LRRTM4: variants seen among roughly 807,000 people sequenced by gnomAD.
LRRTM4 encodes leucine-rich repeat transmembrane neuronal protein 4.
In LRRTM4, 25 loss-of-function variants were observed where a neutral mutation model predicts 47.6. The ratio of observed to expected loss-of-function variants is 0.53; its 90% CI spans 0.38 to 0.73. The LOEUF (loss-of-function observed/expected upper bound fraction) is 0.73, where lower values mean the gene tolerates loss of function less well. LRRTM4 is among the 30% of genes least tolerant of loss of function. LRRTM4 has a pLI of 0.00. For synonymous variants in LRRTM4, 311 were observed against 269.5 expected, an observed-to-expected ratio of 1.15 and a Z score of -1.51; for missense variants, 638 against 713.4, an observed-to-expected ratio of 0.89 and a Z score of 1.20.
At chr2:76,779,245 G>A (rs568801088) in intron 3 of LRRTM4, among the ~76,000 whole-genome samples, 2 of 152,024 alleles carry the variant, frequency 1.3e-5, no homozygotes, top group East Asian at 3.9e-4. Flanking sequence ...GTGTTGATTT[G>A]GGGTGGAGAG....
intron 3 of LRRTM4, among the ~76,000 whole-genome samples, chr2:77,071,137 A>G (rs1458596937): frequency 1.3e-5 from 2 of 152,126 alleles, no homozygotes; most frequent in African/African-American, 4.8e-5. Context: ...ACTTTGAAAT[A>G]CACACCTTCA....
intron 3 of LRRTM4, among the ~76,000 whole-genome samples, chr2:77,453,838 A>G (rs1337149590): frequency 6.6e-6 from 1 of 152,074 alleles, no homozygotes; most frequent in Non-Finnish European, 1.5e-5. Context: ...TACTTTCATA[A>G]TAGTATTTAA....
At chr2:76,792,863 C>G (rs572644462) in intron 3 of LRRTM4, among the ~76,000 whole-genome samples, 2 of 152,166 alleles carry the variant, frequency 1.3e-5, no homozygotes, top group Non-Finnish European at 2.9e-5. Context: ...GGAGCGAGAT[C>G]ACTCTTGCAT....
At chr2:76,907,651 T>A in intron 3 of LRRTM4, among the ~76,000 whole-genome samples, 1 of 117,118 alleles carries the variant, frequency 8.5e-6, no homozygotes, top group African/African-American at 3.9e-5. Context: ...TAAAAAATGA[T>A]AAAGGGGATA....
At chr2:76,757,409 C>T (rs1240687629) in intron 3 of LRRTM4, among the ~76,000 whole-genome samples, 3 of 152,124 alleles carry the variant, frequency 2.0e-5, no homozygotes, top group Non-Finnish European at 2.9e-5. Context: ...CTATGAGGTG[C>T]CCAGAGAGTT....
At chr2:77,075,288 T>A (rs57523279) in intron 3 of LRRTM4, among the ~76,000 whole-genome samples, 3,098 of 152,298 alleles carry the variant, frequency 0.02, 117 homozygotes, top group African/African-American at 0.07. Context: ...TTCTACAACT[T>A]GTAAATGTTA....
chr2:77,265,273 C>A (rs973517014), intron 3 of LRRTM4, among the ~76,000 whole-genome samples: 3 of 151,932 alleles, frequency 2.0e-5, no homozygotes, highest in African/African-American at 7.3e-5. Flanking sequence ...GAATGTGTCC[C>A]CAAAGTTCGT....
intron 3 of LRRTM4, among the ~76,000 whole-genome samples, chr2:77,313,358 G>GCCCC (rs1558683526): frequency 5.9e-4 from 51 of 86,184 alleles, no homozygotes; most frequent in African/African-American, 4.0e-3. Flanking sequence ...GCTGGGATGT[G>GCCCC]CCTCCCTACC....
chr2:77,361,412 A>ACTAAG (rs1672205235), intron 3 of LRRTM4, among the ~76,000 whole-genome samples: 4 of 152,084 alleles, frequency 2.6e-5, no homozygotes, highest in African/African-American at 9.7e-5. Flanking sequence ...TTTCTAAGAC[A>ACTAAG]TTGTGCTATT....
intron 3 of LRRTM4, among the ~76,000 whole-genome samples, chr2:77,366,458 G>T (rs1672466050): frequency 6.6e-6 from 1 of 151,672 alleles, no homozygotes; most frequent in African/African-American, 2.4e-5. Context: ...ATTTCCCTGG[G>T]TATTCTTGTT....
intron 3 of LRRTM4, among the ~76,000 whole-genome samples, chr2:77,440,355 A>G (rs560107285): frequency 2.6e-5 from 4 of 152,126 alleles, no homozygotes; most frequent in African/African-American, 9.6e-5. Flanking sequence ...TGGAGCTTGC[A>G]GTGAGCCAAG....
intron 3 of LRRTM4, among the ~76,000 whole-genome samples, chr2:77,282,592 T>C (rs1382615674): frequency 6.6e-6 from 1 of 151,780 alleles, no homozygotes; most frequent in African/African-American, 2.4e-5. Flanking sequence ...AATTTCAAGC[T>C]ATACTATAAG....
intron 3 of LRRTM4, among the ~76,000 whole-genome samples, chr2:77,125,685 C>T (rs947493139): frequency 6.6e-6 from 1 of 152,042 alleles, no homozygotes; most frequent in Non-Finnish European, 1.5e-5. Flanking sequence ...TTAGTGTGTG[C>T]ATGTGATTTG....
At chr2:77,084,732 T>TAC (rs1680653704) in intron 3 of LRRTM4, among the ~76,000 whole-genome samples, 1 of 152,182 alleles carries the variant, frequency 6.6e-6, no homozygotes, top group Middle Eastern at 3.2e-3. Context: ...TAATGGGACC[T>TAC]ACTATTTCAT....
intron 3 of LRRTM4, among the ~76,000 whole-genome samples, chr2:77,281,773 G>A (rs1676512777): frequency 6.6e-6 from 1 of 151,706 alleles, no homozygotes; most frequent in African/African-American, 2.4e-5. Flanking sequence ...ATATATTAAG[G>A]AAAACATGCA....
chr2:77,135,713 G>C (rs1306659952), intron 3 of LRRTM4, among the ~76,000 whole-genome samples: 1 of 152,118 alleles, frequency 6.6e-6, no homozygotes, highest in East Asian at 1.9e-4. Context: ...CTACTGTTGT[G>C]AATGTTCTTG....
chr2:77,037,387 A>C (rs1678872583), intron 3 of LRRTM4, among the ~76,000 whole-genome samples: 1 of 151,762 alleles, frequency 6.6e-6, no homozygotes, highest in Non-Finnish European at 1.5e-5. Flanking sequence ...CAGTCACCAC[A>C]ATCTCTGTGG....
intron 3 of LRRTM4, among the ~76,000 whole-genome samples, chr2:76,932,132 G>C (rs1238693674): frequency 1.3e-5 from 2 of 152,038 alleles, no homozygotes; most frequent in African/African-American, 4.8e-5. Flanking sequence ...TATTGGATGA[G>C]GCTGGAAAAA....
chr2:76,974,422 C>A (rs1486775150), intron 3 of LRRTM4, among the ~76,000 whole-genome samples: 1 of 150,740 alleles, frequency 6.6e-6, no homozygotes, highest in Admixed American at 6.6e-5. Context: ...AAACTATGCA[C>A]TGATTATATT....
Sources: gnomAD v4.1 joint callset for allele counts (sites outside exome capture counted in the v4.1 genomes callset) on GRCh38, gnomAD v4.1.1 for gene constraint, MANE v1.5 for transcripts, NCBI Gene and HGNC (gene_info 2026-07-23, HGNC 2026-07-21) for gene names.